OCA2: variants seen among roughly 807,000 people sequenced by gnomAD.
OCA2 encodes the protein P protein.
Under a neutral mutation model 100.2 loss-of-function variants are expected in OCA2, and 77 were observed. That is an observed-to-expected ratio of 0.77 (90% confidence interval 0.64 to 0.93). The LOEUF (loss-of-function observed/expected upper bound fraction) is 0.93, where lower values mean the gene tolerates loss of function less well. Ranked by LOEUF, OCA2 falls within the 40% of genes least tolerant of loss-of-function variation. The pLI is 0.00. For synonymous variants in OCA2, 432 were observed against 439.2 expected (o/e 0.98, Z 0.21); for missense variants, 1,062 against 1,089.1 (o/e 0.98, Z 0.35).
intron 3 of OCA2, among the ~76,000 whole-genome samples, chr15:28,030,642 G>A (rs116423862): frequency 0.012 from 1,881 of 152,324 alleles, 35 homozygotes; most frequent in African/African-American, 0.043. Context: ...CCTGGTCCCT[G>A]CCCTGGCTGC....
At chr15:27,757,264 T>G (rs1206004187) in intron 23 of OCA2, among the ~76,000 whole-genome samples, 1 of 152,252 alleles carries the variant, frequency 6.6e-6, no homozygotes. Context: ...CTACATATGC[T>G]GCCTCCCTGT....
At chr15:27,926,304 C>T (rs577045200) in intron 18 of OCA2, 50 bp from the exon 19 acceptor site, 27 of 1,603,068 alleles carry the variant, frequency 1.7e-5, no homozygotes, top group South Asian at 1.5e-4. Flanking sequence ...GTTAACACAC[C>T]GATTCATTTC....
At chr15:27,720,255 C>T in the OCA2 span, among the ~76,000 whole-genome samples, 1 of 151,812 alleles carries the variant, frequency 6.6e-6, no homozygotes, top group Non-Finnish European at 1.5e-5. Context: ...AAATTGTGAT[C>T]TATCCATTCA....
At chr15:27,882,826 C>A (rs865864677) in intron 19 of OCA2, among the ~76,000 whole-genome samples, 2 of 152,192 alleles carry the variant, frequency 1.3e-5, no homozygotes, top group Non-Finnish European at 2.9e-5. Flanking sequence ...CAGTAGCCAG[C>A]CACATGCTTG....
chr15:27,989,481 C>T, intron 11 of OCA2, 120 bp downstream of exon 11: 1 of 800,372 alleles, frequency 1.2e-6, no homozygotes. Flanking sequence ...ACTAACACTT[C>T]TCAGTCAAGC....
At chr15:28,074,967 A>T (rs1408218564) in intron 2 of OCA2, among the ~76,000 whole-genome samples, 1 of 152,264 alleles carries the variant, frequency 6.6e-6, no homozygotes, top group East Asian at 1.9e-4. Flanking sequence ...GAACAATTGG[A>T]CATCTATAAG....
At chr15:28,069,137 A>T (rs1453369397) in intron 2 of OCA2, among the ~76,000 whole-genome samples, 1 of 152,142 alleles carries the variant, frequency 6.6e-6, no homozygotes, top group Non-Finnish European at 1.5e-5. Flanking sequence ...AAACAAGAAA[A>T]GAGGAAGTCA....
rs142003056 is a variant in OCA2 at position 27,820,258 on chromosome 15, TGTTG to T, written c.2432+24697_2432+24700del. Among the ~76,000 whole-genome samples the T allele has an allele frequency of 1.0e-3, 152 of 152,336 alleles. 1 individual carries two copies. In the East Asian group the frequency reaches 0.026, roughly 26 times the overall value. ...GGAGCAAAGCTCCCTACCCGTTAAG[TGTTG>T]CTTGCTCGTGGCAACTTCCCTCCCA... On this transcript the variant is annotated intron_variant, in intron 23 of 23. Coordinates refer to ENST00000354638, the MANE Select transcript of OCA2 (RefSeq NM_000275.3).
chr15:27,770,521 C>T (rs1200041245), intron 23 of OCA2, among the ~76,000 whole-genome samples: 2 of 147,754 alleles, frequency 1.4e-5, no homozygotes, highest in Non-Finnish European at 3.0e-5. Context: ...CGCAGGCCGC[C>T]GGGCTCGCCC....
the OCA2 span, among the ~76,000 whole-genome samples, chr15:27,722,662 C>CT: frequency 1.6e-3 from 131 of 81,970 alleles, no homozygotes; most frequent in African/African-American, 6.6e-3. Flanking sequence ...TTCTCTCTTT[C>CT]TTTCCTTTCT....
chr15:27,864,551 G>A (rs1020069089), intron 21 of OCA2, among the ~76,000 whole-genome samples: 1 of 152,152 alleles, frequency 6.6e-6, no homozygotes, highest in African/African-American at 2.4e-5. Context: ...ACCTCCCGCA[G>A]GGCTATGGGA....
At chr15:27,771,153 C>T (rs973185352) in intron 23 of OCA2, among the ~76,000 whole-genome samples, 1 of 149,026 alleles carries the variant, frequency 6.7e-6, no homozygotes, top group East Asian at 2.0e-4. Flanking sequence ...CCTCCCCTTG[C>T]AGCGACACCC....
intron 23 of OCA2, among the ~76,000 whole-genome samples, chr15:27,769,777 T>G (rs1000372330): frequency 1.3e-5 from 2 of 152,296 alleles, no homozygotes; most frequent in South Asian, 4.1e-4. Flanking sequence ...CGAAGGCCCA[T>G]GGAGGATGCA....
Position 27,755,313 on chromosome 15 carries a change from T to A in OCA2, c.*75A>T. ...ACCTTTTCTTCTTCAAACAGTGGGG[T>A]CAGGGTAGTTTTATGACTAATGGGT... On this transcript the variant is annotated 3_prime_UTR_variant, in exon 24 of 24. Transcript: ENST00000354638. The A allele has an allele frequency of 9.3e-7, 1 of 1,075,472 alleles. No individual in the cohort carries two copies. The highest frequency in any genetic ancestry group is 1.4e-6 in the Non-Finnish European group (1 of 693,072). 66.6% of individuals were successfully genotyped at this position (1,075,472 alleles called of 1,614,324 possible).
chr15:27,813,115 C>G (rs918693633), intron 23 of OCA2, among the ~76,000 whole-genome samples: 8 of 152,150 alleles, frequency 5.3e-5, no homozygotes, highest in Non-Finnish European at 7.4e-5. Context: ...GGCAGAGGAA[C>G]AAGGAGAAAG....
At chr15:27,973,661 A>G (rs979091376) in intron 14 of OCA2, among the ~76,000 whole-genome samples, 2 of 152,150 alleles carry the variant, frequency 1.3e-5, no homozygotes, top group African/African-American at 2.4e-5. Flanking sequence ...TTTGGCGGCT[A>G]TTCAGGCTCT....
intron 23 of OCA2, among the ~76,000 whole-genome samples, chr15:27,779,408 C>G (rs1299083561): frequency 6.6e-6 from 1 of 152,166 alleles, no homozygotes; most frequent in African/African-American, 2.4e-5. Flanking sequence ...CCCTTCAGTT[C>G]TGTCAATGCT....
intron 16 of OCA2, among the ~76,000 whole-genome samples, 172 bp from the exon 17 acceptor site, chr15:27,955,387 C>T (rs1040917159): frequency 6.6e-6 from 1 of 152,036 alleles, no homozygotes; most frequent in Non-Finnish European, 1.5e-5. Context: ...GGAAAAGGTG[C>T]TCACTCTCTA....
Position 28,016,167 on chromosome 15 carries a change from A to G in OCA2, c.827T>C (p.Val276Ala). The G allele has an allele frequency of 6.2e-7, 1 of 1,614,168 alleles. No homozygotes were observed. The highest frequency in any genetic ancestry group is 2.2e-5 in the East Asian group (1 of 44,882). ...CTCGCTTCTCCTCGGATTTAAATAC[A>G]CCGTCCAGTTGTGAGTGACCTGTAC... ...RPQQVTHNWT[V>A]YLNPRRSEHS... The change falls in exon 8 of 24, where the codon GTG (valine) becomes GCG (alanine). Residue 276 changes from valine to alanine, a missense_variant. By Grantham distance (64) the Val-to-Ala change is moderately conservative. Coordinates refer to ENST00000354638, the MANE Select transcript of OCA2 (RefSeq NM_000275.3).
Sources: allele counts gnomAD v4.1 joint callset (sites outside exome capture counted in the v4.1 genomes callset), GRCh38; gene constraint gnomAD v4.1.1; transcripts MANE v1.5; gene names NCBI Gene and HGNC (gene_info 2026-07-23, HGNC 2026-07-21).